Variants in PPARG observed in about 807,000 individuals in gnomAD.
PPARG encodes the protein peroxisome proliferator activated receptor gamma.
Under a neutral mutation model 39.2 loss-of-function variants are expected in PPARG, and 17 were observed. The observed-to-expected ratio is 0.43, with a 90% CI of 0.30 to 0.65. PPARG has a LOEUF of 0.65. Ranked by LOEUF, PPARG falls within the 30% of genes least tolerant of loss-of-function variation. The pLI is 0.13. For missense variants in PPARG, 406 were observed against 585.9 expected, an observed-to-expected ratio of 0.69 and a Z score of 3.17; for synonymous variants, 223 against 215.7, an observed-to-expected ratio of 1.03 and a Z score of -0.30.
chr3:12,357,363 C>T (rs991708173), intron 2 of PPARG, among the ~76,000 whole-genome samples: 2 of 152,144 alleles, frequency 1.3e-5, no homozygotes, highest in South Asian at 2.1e-4. Flanking sequence ...CTCCTGCCTT[C>T]GTGCACCTGC....
intron 4 of PPARG, among the ~76,000 whole-genome samples, chr3:12,390,646 T>C (rs1022167420): frequency 7.1e-6 from 1 of 140,078 alleles, no homozygotes; most frequent in Non-Finnish European, 1.5e-5. Context: ...CCTTTTTTTT[T>C]TTTTTTTTTT....
chr3:12,369,693 T>C (rs1051266853), intron 2 of PPARG, among the ~76,000 whole-genome samples: 3 of 152,188 alleles, frequency 2.0e-5, no homozygotes, highest in African/African-American at 7.2e-5. Flanking sequence ...GTGCTTACAT[T>C]GTAGTAACTG....
At chr3:12,330,776 T>C (rs2047836204) in intron 2 of PPARG, among the ~76,000 whole-genome samples, 1 of 152,182 alleles carries the variant, frequency 6.6e-6, no homozygotes, top group African/African-American at 2.4e-5. Flanking sequence ...TGATTCACTG[T>C]GAAGTATTCC....
intron 2 of PPARG, among the ~76,000 whole-genome samples, chr3:12,332,886 G>A (rs1171479195): frequency 2.0e-5 from 3 of 152,008 alleles, no homozygotes; most frequent in African/African-American, 7.2e-5. Context: ...TTAAAAATTG[G>A]CTGGGCATGG....
At chr3:12,347,417 G>A (rs561870326) in intron 2 of PPARG, among the ~76,000 whole-genome samples, 133 of 152,256 alleles carry the variant, frequency 8.7e-4, no homozygotes, top group African/African-American at 3.1e-3. Flanking sequence ...GGCTTGTTGT[G>A]ATGGTTGTGG....
chr3:12,359,661 TACTC>T (rs956427780), intron 2 of PPARG, among the ~76,000 whole-genome samples: 23 of 150,788 alleles, frequency 1.5e-4, no homozygotes, highest in Non-Finnish European at 2.8e-4. Flanking sequence ...TTTTCCTACT[TACTC>T]TTTTATTTCT....
At chr3:12,329,431 C>T (rs772528588) in intron 2 of PPARG, among the ~76,000 whole-genome samples, 8 of 152,016 alleles carry the variant, frequency 5.3e-5, no homozygotes, top group African/African-American at 4.8e-5. Flanking sequence ...GTTTTGGGAC[C>T]GCTATAATTC....
At chr3:12,407,286 G>A (rs1318805321) in intron 6 of PPARG, among the ~76,000 whole-genome samples, 5 of 152,082 alleles carry the variant, frequency 3.3e-5, no homozygotes, top group African/African-American at 9.7e-5. Flanking sequence ...TCAGCCTCCC[G>A]AGTAGCTGGG....
intron 1 of PPARG, among the ~76,000 whole-genome samples, chr3:12,304,626 G>A (rs1305771984): frequency 1.3e-5 from 2 of 152,140 alleles, no homozygotes; most frequent in Non-Finnish European, 2.9e-5. Context: ...ATTAAAACAG[G>A]TTATACTTTT....
chr3:12,398,469 C>T (rs573874068), intron 5 of PPARG, among the ~76,000 whole-genome samples: 1 of 152,214 alleles, frequency 6.6e-6, no homozygotes, highest in Admixed American at 6.5e-5. Context: ...GTTAGAGATG[C>T]CTATAGAGTA....
At chr3:12,406,382 G>C in intron 6 of PPARG, 1 of 393,312 alleles carries the variant, frequency 2.5e-6, no homozygotes. Context: ...CCTCTTTTAG[G>C]ATCCATCTCC....
intron 5 of PPARG, among the ~76,000 whole-genome samples, chr3:12,402,661 A>T (rs2050515752): frequency 1.3e-5 from 2 of 152,166 alleles, no homozygotes; most frequent in Admixed American, 6.5e-5. Context: ...GGTTTTTTAT[A>T]TACTCCTAAT....
chr3:12,425,277 T>G (rs1199774676), intron 7 of PPARG, among the ~76,000 whole-genome samples: 1 of 152,194 alleles, frequency 6.6e-6, no homozygotes, highest in Non-Finnish European at 1.5e-5. Flanking sequence ...TCTTGGGGAC[T>G]TCATGTGTTT....
At chr3:12,354,252 A>G (rs1315387192) in intron 2 of PPARG, among the ~76,000 whole-genome samples, 1 of 152,186 alleles carries the variant, frequency 6.6e-6, no homozygotes, top group African/African-American at 2.4e-5. Flanking sequence ...TTTGTTGGCC[A>G]CATATTTGCT....
chr3:12,346,574 A>C (rs1463450172), intron 2 of PPARG, among the ~76,000 whole-genome samples: 2 of 151,964 alleles, frequency 1.3e-5, no homozygotes, highest in East Asian at 3.9e-4. Flanking sequence ...GTTCTTTTCT[A>C]CTGCTTCTGA....
chr3:12,350,734 A>G (rs957606064), intron 2 of PPARG, among the ~76,000 whole-genome samples: 1 of 152,210 alleles, frequency 6.6e-6, no homozygotes, highest in Non-Finnish European at 1.5e-5. Context: ...TATTCTTCTC[A>G]TAGAGAACTC....
intron 2 of PPARG, among the ~76,000 whole-genome samples, chr3:12,375,287 G>A (rs1187606614): frequency 6.6e-6 from 1 of 151,946 alleles, no homozygotes; most frequent in African/African-American, 2.4e-5. Flanking sequence ...AAGCAGCATG[G>A]CTGTGATTGA....
chr3:12,338,213 A>T (rs961375784), intron 2 of PPARG, among the ~76,000 whole-genome samples: 1 of 152,242 alleles, frequency 6.6e-6, no homozygotes, highest in Non-Finnish European at 1.5e-5. Context: ...TGTTTATAAA[A>T]TGATGAAAGG....
At chr3:12,351,482 G>A (rs560460829) in intron 2 of PPARG, 5 of 797,182 alleles carry the variant, frequency 6.3e-6, no homozygotes, top group Non-Finnish European at 1.1e-5. Flanking sequence ...ACTCATGGGT[G>A]TATTCACAAA....
Sources: allele counts gnomAD v4.1 joint callset (sites outside exome capture counted in the v4.1 genomes callset), GRCh38; gene constraint gnomAD v4.1.1; transcripts MANE v1.5; gene names NCBI Gene and HGNC (gene_info 2026-07-23, HGNC 2026-07-21).